MINAR1: variants seen among roughly 807,000 people sequenced by gnomAD.
The protein encoded by MINAR1 is membrane integral NOTCH2 associated receptor 1.
MINAR1 carries 40 observed loss-of-function variants against 65.1 expected under a neutral mutation model. The observed-to-expected ratio is 0.61, with a 90% CI of 0.48 to 0.80. MINAR1 has a LOEUF of 0.80. Among genes scored for constraint, MINAR1 ranks in the 30% least tolerant of loss-of-function variants. The pLI, the probability that MINAR1 is intolerant of heterozygous loss-of-function variation, is 0.00. For synonymous variants in MINAR1, 482 were observed against 449.1 expected (o/e 1.07, Z -0.93); for missense variants, 1,128 against 1,148.0 (o/e 0.98, Z 0.25).
the MINAR1 span, chr15:79,414,368 A>G: frequency 6.6e-6 from 1 of 152,232 alleles, no homozygotes; most frequent in South Asian, 2.1e-4. Flanking sequence ...CAATCTTTCT[A>G]TTCCCATGAA....
the MINAR1 span, chr15:79,426,282 C>G: frequency 6.6e-6 from 1 of 152,218 alleles, no homozygotes; most frequent in African/African-American, 2.4e-5. Flanking sequence ...CCCTGGATGC[C>G]ACTACCACTA....
At chr15:79,431,874 G>T (rs751424127), upstream of MINAR1, among the ~76,000 whole-genome samples, 13 of 152,210 alleles carry the variant, frequency 8.5e-5, no homozygotes, top group Non-Finnish European at 1.6e-4. Context: ...CCTTCCCGGG[G>T]CTCCGGCGGC....
At position 79,457,514 on chromosome 15, in the gene MINAR1, A is replaced by T. The variant is rs755143664; in HGVS notation, c.1367A>T (p.Lys456Ile). Reference protein sequence around the residue: ...LEKHEPVKKFKDKSINCTSGQ... With the variant: ...LEKHEPVKKFIDKSINCTSGQ... The stretch of plus-strand genomic sequence containing the variant: ...AAGCATGAACCAGTCAAAAAGTTTA[A>T]AGACAAGAGCATTAACTGCACCAGT... Residue 456 changes from lysine to isoleucine, a missense_variant, in exon 2 of 4, where the codon AAA becomes ATA. Lys to Ile is a moderately radical substitution (Grantham distance 102). Coordinates refer to ENST00000305428, the MANE Select transcript of MINAR1 (RefSeq NM_015206.3). 8.7e-6 allele frequency: 14 copies of T among 1,614,190 alleles called. No individual in the cohort carries two copies. Among genetic ancestry groups the T allele is most frequent in the Non-Finnish European group, 1.2e-5 (14 of 1,180,028 alleles).
chr15:79,466,096 T>C (rs1442480989), intron 3 of MINAR1, among the ~76,000 whole-genome samples: 2 of 151,600 alleles, frequency 1.3e-5, no homozygotes, highest in South Asian at 2.1e-4. Context: ...CTCTGCACAA[T>C]AGGGACTTTT....
At chr15:79,464,187 C>T (rs62623596) in intron 3 of MINAR1, among the ~76,000 whole-genome samples, 1,873 of 152,310 alleles carry the variant, frequency 0.012, 16 homozygotes, top group Non-Finnish European at 0.019. Flanking sequence ...AGGACTCTTT[C>T]GCTGTGTGAC....
intron 1 of MINAR1, among the ~76,000 whole-genome samples, chr15:79,438,445 GTGTGGA>G (rs1216604696): frequency 2.9e-4 from 2 of 6,988 alleles, no homozygotes; most frequent in African/African-American, 4.5e-4. Flanking sequence ...GGTAGTGAGT[GTGTGGA>G]GTGTGGGTGT....
chr15:79,456,837 C>T lies in MINAR1; in HGVS notation c.690C>T (p.Ser230=), dbSNP rs28660332. Residue 230 remains serine, a synonymous_variant, in exon 2 of 4, where the codon TCC becomes TCT. Transcript: ENST00000305428. ...ACGAGTCCATTTCAGACCAGGACTC[C>T]CTGCCCATCAATCAGAGCATCAAGG... ...IENESISDQD[S]LPINQSIKET... is the part of the protein sequence containing the mutation. 2,106 of 1,614,150 alleles carry T rather than the reference C, an allele frequency of 1.3e-3. 37 individuals are homozygous for T. In the African/African-American group the frequency reaches 0.025, roughly 19 times the overall value.
the MINAR1 span, chr15:79,412,724 C>A: frequency 6.6e-6 from 1 of 152,444 alleles, no homozygotes; most frequent in Non-Finnish European, 1.5e-5. Flanking sequence ...CACCCTGCTG[C>A]GCTGCCACTG....
intron 3 of MINAR1, among the ~76,000 whole-genome samples, chr15:79,464,327 AAAG>A (rs1478263580): frequency 1.3e-5 from 2 of 152,262 alleles, no homozygotes; most frequent in East Asian, 3.8e-4. Context: ...AGGCACTGAA[AAAG>A]AAGGCCCTTG....
Position 79,463,075 on chromosome 15 carries a change from G to C in MINAR1, c.2307G>C (p.Arg769Ser). 1 of 1,611,558 alleles carries C rather than the reference G, an allele frequency of 6.2e-7. No homozygotes were observed. Among genetic ancestry groups the C allele is most frequent in the Non-Finnish European group, 8.5e-7 (1 of 1,178,100 alleles). The change falls in exon 3 of 4, where the codon AGG becomes AGC. Residue 769 changes from arginine (R) to serine (S), a missense_variant. Transcript: ENST00000305428. ...DWHRKSKEADRQYDIPPQHRL... is the reference protein window; with the variant it reads ...DWHRKSKEADSQYDIPPQHRL... ...TTTGTGCCCCTCTGCAGGCAGACAG[G>C]CAGTACGACATTCCCCCACAGCACC...
chr15:79,435,101 C>G (rs1894558758), intron 1 of MINAR1, among the ~76,000 whole-genome samples: 1 of 152,060 alleles, frequency 6.6e-6, no homozygotes, highest in African/African-American at 2.4e-5. Context: ...ATGGAGAAAC[C>G]CTGTCTTTAC....
At chr15:79,458,479 C>G (rs752760872) in intron 2 of MINAR1, 34 bp downstream of exon 2, 4 of 1,590,930 alleles carry the variant, frequency 2.5e-6, no homozygotes, top group Non-Finnish European at 3.4e-6. Context: ...AATCGGGCAC[C>G]AGCTTCATCA....
At chr15:79,429,587 G>T (rs1389715530), upstream of MINAR1, among the ~76,000 whole-genome samples, 1 of 152,182 alleles carries the variant, frequency 6.6e-6, no homozygotes, top group Non-Finnish European at 1.5e-5. Flanking sequence ...TTCGTGATCT[G>T]GTGCACAGTC....
Position 79,472,297 on chromosome 15 carries a change from A to G in MINAR1, c.*3913A>G, listed in dbSNP as rs1281868886. On this transcript the variant is annotated 3_prime_UTR_variant, in exon 4 of 4. Transcript: ENST00000305428. ...TATAATCAGAAATAAACCGAAAAAA[A>G]TATAAAATGTCTTGCAGTGAGAGTT... 1 of 152,688 alleles carries G rather than the reference A, an allele frequency of 6.5e-6. No homozygotes were observed. The highest frequency in any genetic ancestry group is 6.5e-5 in the Admixed American group (1 of 15,290). 9.5% of individuals were successfully genotyped at this position (152,688 alleles called of 1,614,324 possible). A position where few individuals can be genotyped will look rare whatever the true frequency, so the allele number is the denominator to read the frequency against.
intron 1 of MINAR1, among the ~76,000 whole-genome samples, chr15:79,444,084 A>G (rs139495376): frequency 2.6e-5 from 4 of 152,330 alleles, no homozygotes; most frequent in Non-Finnish European, 5.9e-5. Context: ...CTTAGAGTGT[A>G]TAGTTAAGGC....
rs907878725 is a variant in MINAR1, at chr15:79,456,835, T to A, written c.688T>A (p.Ser230Thr). The A allele has an allele frequency of 1.2e-6, 2 of 1,614,046 alleles. No homozygotes were observed. The highest frequency in any genetic ancestry group is 2.7e-5 in the African/African-American group (2 of 74,920). The stretch of plus-strand genomic sequence containing the variant: ...AAACGAGTCCATTTCAGACCAGGAC[T>A]CCCTGCCCATCAATCAGAGCATCAA... ...IENESISDQD[S>T]LPINQSIKET... The change falls in exon 2 of 4, where the codon TCC (serine) becomes ACC (threonine). Residue 230 changes from serine (S) to threonine (T), a missense_variant. Coordinates refer to ENST00000305428, the MANE Select transcript of MINAR1 (RefSeq NM_015206.3).
chr15:79,440,032 G>A (rs1894827109), intron 1 of MINAR1, among the ~76,000 whole-genome samples: 2 of 152,188 alleles, frequency 1.3e-5, no homozygotes, highest in Admixed American at 6.5e-5. Flanking sequence ...AAATGCATGA[G>A]CCAATTGGAA....
chr15:79,457,960 G>A lies in MINAR1; in HGVS notation c.1813G>A (p.Glu605Lys), dbSNP rs138213158. The change falls in exon 2 of 4, where the codon GAA becomes AAA. Residue 605 changes from glutamate to lysine, a missense_variant. Transcript: ENST00000305428. ...GTGCAAACTGGTGCTCAGGATTGGC[G>A]AAATTGAACGGAAGCTGGAATCCCT... ...SVCKLVLRIG[E>K]IERKLESLSG... is the part of the protein sequence containing the mutation. 182 of 1,614,116 alleles carry A rather than the reference G, an allele frequency of 1.1e-4. 1 individual carries two copies. The highest frequency in any genetic ancestry group is 5.3e-4 in the Admixed American group (32 of 60,024).
rs140963233 is a variant in MINAR1 at position 79,450,740 on chromosome 15, G to A, written c.-50-5358G>A. Among the ~76,000 whole-genome samples the A allele has an allele frequency of 3.4e-4, 51 of 151,952 alleles. No homozygotes were observed. In the East Asian group the frequency reaches 9.4e-3, roughly 28 times the overall value. On this transcript the variant is annotated intron_variant, in intron 1 of 3. Transcript: ENST00000305428. ...GTAAAACTTGAGAGGCCAGAATCCC[G>A]CTTTAGGCAGGCGTCTCTTGCTCTT...
Sources: allele counts gnomAD v4.1 joint callset (sites outside exome capture counted in the v4.1 genomes callset), GRCh38; gene constraint gnomAD v4.1.1; transcripts MANE v1.5; gene names NCBI Gene and HGNC (gene_info 2026-07-23, HGNC 2026-07-21).